Variants in SLC4A4 observed in about 807,000 individuals in gnomAD.
SLC4A4 encodes the protein solute carrier family 4 member 4.
In SLC4A4, 27 loss-of-function variants were observed where a neutral mutation model predicts 111.5. The observed-to-expected ratio is 0.24, with a 90% CI of 0.18 to 0.33. The LOEUF is 0.33. Among genes scored for constraint, SLC4A4 ranks in the 10% least tolerant of loss-of-function variants. The pLI is 1.00. For missense variants in SLC4A4, 909 were observed against 1,315.5 expected, an observed-to-expected ratio of 0.69 and a Z score of 4.78; for synonymous variants, 443 against 463.4, an observed-to-expected ratio of 0.96 and a Z score of 0.57.
chr4:71,565,005 G>C (rs558580728), intron 24 of SLC4A4, among the ~76,000 whole-genome samples: 1 of 151,646 alleles, frequency 6.6e-6, no homozygotes, highest in African/African-American at 2.4e-5. Context: ...AGTCTCTGAA[G>C]ACTATTTTTT....
intron 2 of SLC4A4, among the ~76,000 whole-genome samples, chr4:71,171,752 C>T (rs1410721576): frequency 6.6e-6 from 1 of 152,162 alleles, no homozygotes; most frequent in African/African-American, 2.4e-5. Context: ...CCTCCATCTA[C>T]TTGATTACTC....
intron 8 of SLC4A4, among the ~76,000 whole-genome samples, chr4:71,441,363 C>T (rs868439487): frequency 1.2e-4 from 19 of 152,316 alleles, no homozygotes; most frequent in African/African-American, 4.6e-4. Context: ...GCCTCTGAAA[C>T]TGAGCTCCAC....
intron 2 of SLC4A4, among the ~76,000 whole-genome samples, chr4:71,129,907 C>T (rs987340664): frequency 2.6e-5 from 4 of 151,792 alleles, no homozygotes; most frequent in South Asian, 4.2e-4. Context: ...TGCCTGTTCT[C>T]ACTTATAAGT....
At chr4:71,228,930 C>T (rs1452066845) in intron 1 of SLC4A4, among the ~76,000 whole-genome samples, 2 of 152,060 alleles carry the variant, frequency 1.3e-5, no homozygotes, top group Non-Finnish European at 2.9e-5. Context: ...GTACTAATTT[C>T]TCTCTCTCTC....
At chr4:71,436,810 T>G (rs1043097533) in intron 7 of SLC4A4, among the ~76,000 whole-genome samples, 2 of 152,132 alleles carry the variant, frequency 1.3e-5, no homozygotes, top group Admixed American at 1.3e-4. Context: ...AATTCAGTAA[T>G]AAATCAAATG....
chr4:71,160,818 CAAA>C (rs1744601319), intron 2 of SLC4A4, among the ~76,000 whole-genome samples: 1 of 152,204 alleles, frequency 6.6e-6, no homozygotes, highest in South Asian at 2.1e-4. Context: ...TAATTAAAAA[CAAA>C]AGGATTTGCA....
intron 1 of SLC4A4, among the ~76,000 whole-genome samples, chr4:71,189,516 G>A (rs1253115405): frequency 2.6e-5 from 4 of 152,200 alleles, no homozygotes; most frequent in Non-Finnish European, 5.9e-5. Flanking sequence ...GGCCCTGATG[G>A]TAATCTCATT....
rs57177869 is a variant in SLC4A4, at chr4:71,446,183, T to TAAA, written c.966-1456_966-1454dup. On this transcript the variant is annotated intron_variant, in intron 8 of 25. Coordinates refer to ENST00000264485, the MANE Select transcript of SLC4A4 (RefSeq NM_001098484.3). ...ATCCCTTTTGGGTTGAATTTTATGA[T>TAAA]AAAAAAAAAGTAATTATACATTCAA... 4.6e-5 allele frequency among the ~76,000 whole-genome samples: 7 copies of TAAA among 151,340 alleles called. No homozygotes were observed. The South Asian group carries it at 1.5e-3, about 32-fold the overall frequency.
chr4:71,567,130 C>A, intron 25 of SLC4A4, 47 bp downstream of exon 25: 1 of 1,430,196 alleles, frequency 7.0e-7, no homozygotes, highest in South Asian at 1.2e-5. Flanking sequence ...GATAATTGCC[C>A]CACAGAAATG....
At chr4:71,107,008 C>G (rs1742947980) in intron 2 of SLC4A4, among the ~76,000 whole-genome samples, 1 of 151,190 alleles carries the variant, frequency 6.6e-6, no homozygotes, top group Non-Finnish European at 1.5e-5. Context: ...AAAATAAAGT[C>G]TATCTGTCTG....
intron 2 of SLC4A4, among the ~76,000 whole-genome samples, chr4:71,098,495 C>T (rs1742622959): frequency 1.3e-5 from 2 of 152,042 alleles, no homozygotes; most frequent in Admixed American, 6.6e-5. Context: ...CTTAGGATTG[C>T]CTTGGCTATT....
chr4:71,477,321 T>C (rs988014651), intron 14 of SLC4A4, among the ~76,000 whole-genome samples: 1 of 151,734 alleles, frequency 6.6e-6, no homozygotes, highest in African/African-American at 2.4e-5. Context: ...TTTCTCACTA[T>C]CCTACAAAAG....
At chr4:71,313,165 A>T (rs566002203) in intron 3 of SLC4A4, among the ~76,000 whole-genome samples, 1 of 152,192 alleles carries the variant, frequency 6.6e-6, no homozygotes, top group Non-Finnish European at 1.5e-5. Flanking sequence ...TCATGAGTGA[A>T]CTTTCATTCA....
intron 2 of SLC4A4, among the ~76,000 whole-genome samples, chr4:71,162,363 C>T (rs1386610179): frequency 6.6e-6 from 1 of 152,154 alleles, no homozygotes; most frequent in Non-Finnish European, 1.5e-5. Flanking sequence ...TGTGCTCTTG[C>T]CACAAAGTGT....
intron 7 of SLC4A4, among the ~76,000 whole-genome samples, chr4:71,401,806 A>C (rs1199126172): frequency 6.6e-6 from 1 of 152,204 alleles, no homozygotes; most frequent in Non-Finnish European, 1.5e-5. Context: ...ACATCTCACA[A>C]TTACATGTCA....
intron 6 of SLC4A4, among the ~76,000 whole-genome samples, chr4:71,393,055 A>G (rs1719460426): frequency 1.3e-5 from 2 of 152,124 alleles, no homozygotes; most frequent in South Asian, 4.1e-4. Flanking sequence ...ACCCACAGCC[A>G]ACATAATACT....
chr4:71,393,372 C>A (rs78987806), intron 6 of SLC4A4, among the ~76,000 whole-genome samples: 1 of 152,028 alleles, frequency 6.6e-6, no homozygotes, highest in East Asian at 1.9e-4. Flanking sequence ...ACACCAACAG[C>A]GACTCAACGG....
intron 3 of SLC4A4, among the ~76,000 whole-genome samples, chr4:71,295,241 C>A (rs142042559): frequency 6.6e-6 from 1 of 152,132 alleles, no homozygotes; most frequent in Non-Finnish European, 1.5e-5. Flanking sequence ...CCATGATACT[C>A]TAACTCACAG....
At chr4:71,346,866 AT>A (rs1238309115) in intron 4 of SLC4A4, among the ~76,000 whole-genome samples, 1 of 152,130 alleles carries the variant, frequency 6.6e-6, no homozygotes, top group Non-Finnish European at 1.5e-5. Context: ...TTTAATAGGC[AT>A]TTTTCCAGAG....
Sources: gnomAD v4.1 joint callset for allele counts (sites outside exome capture counted in the v4.1 genomes callset) on GRCh38, gnomAD v4.1.1 for gene constraint, MANE v1.5 for transcripts, NCBI Gene and HGNC (gene_info 2026-07-23, HGNC 2026-07-21) for gene names.